PBX1: variants seen among roughly 807,000 people sequenced by gnomAD.
PBX1 encodes the protein PBX homeobox 1.
A neutral mutation model predicts 53.4 loss-of-function variants in PBX1; 6 were observed. The ratio of observed to expected loss-of-function variants is 0.11; its 90% CI spans 0.06 to 0.22. The LOEUF (loss-of-function observed/expected upper bound fraction) is 0.22, where lower values mean the gene tolerates loss of function less well. Among genes scored for constraint, PBX1 ranks in the 10% least tolerant of loss-of-function variants. The pLI, the probability that PBX1 is intolerant of heterozygous loss-of-function variation, is 1.00. For synonymous variants in PBX1, 204 were observed against 212.3 expected (o/e 0.96, Z 0.34); for missense variants, 251 against 551.4 (o/e 0.46, Z 5.46).
intron 2 of PBX1, among the ~76,000 whole-genome samples, chr1:164,573,108 C>A (rs1003076201): frequency 2.0e-5 from 3 of 152,006 alleles, no homozygotes; most frequent in African/African-American, 7.3e-5. Context: ...TTTCTAGTAG[C>A]CTCATTTTTA....
chr1:164,613,073 A>G (rs1196588266), intron 2 of PBX1, among the ~76,000 whole-genome samples: 3 of 151,246 alleles, frequency 2.0e-5, no homozygotes, highest in African/African-American at 7.4e-5. Flanking sequence ...AAACCCTTCT[A>G]GAAATATTTT....
intron 2 of PBX1, among the ~76,000 whole-genome samples, chr1:164,639,940 G>T (rs1469599808): frequency 6.6e-6 from 1 of 151,678 alleles, no homozygotes. Flanking sequence ...TGGGATTACA[G>T]ATATAAGGCA....
At position 164,729,454 on chromosome 1, in the gene PBX1, A is replaced by G. The variant is rs1664870279; in HGVS notation, c.266-63040A>G. Among the ~76,000 whole-genome samples the G allele has an allele frequency of 2.6e-5, 4 of 152,198 alleles. No homozygotes were observed. The South Asian group carries it at 8.3e-4, about 32-fold the overall frequency. On this transcript the variant is annotated intron_variant, in intron 2 of 8. Coordinates refer to ENST00000420696, the MANE Select transcript of PBX1 (RefSeq NM_002585.4). ...ATTAACACAAACTTTTAATATGGAT[A>G]TCAAGATTTCAAAGATGTTGTGTAA... is the stretch of plus-strand genomic sequence containing the variant.
chr1:164,718,566 T>G (rs1169922142), intron 2 of PBX1, among the ~76,000 whole-genome samples: 1 of 152,210 alleles, frequency 6.6e-6, no homozygotes, highest in Non-Finnish European at 1.5e-5. Context: ...CTGTGCTTCT[T>G]GTTATCACAT....
intron 8 of PBX1, among the ~76,000 whole-genome samples, chr1:164,834,029 A>ATGTGTGTGTGTGTGTG (rs35739146): frequency 0.031 from 4,020 of 128,166 alleles, 104 homozygotes; most frequent in Middle Eastern, 0.074. Context: ...ATATATGTAT[A>ATGTGTGTGTGTGTGTG]TGTGTGTGTG....
At chr1:164,753,798 T>C (rs1257014756) in intron 2 of PBX1, among the ~76,000 whole-genome samples, 1 of 152,200 alleles carries the variant, frequency 6.6e-6, no homozygotes, top group African/African-American at 2.4e-5. Flanking sequence ...GTCTCTTTTA[T>C]TTCCTTTTCA....
chr1:164,736,100 A>G (rs951028051), intron 2 of PBX1, among the ~76,000 whole-genome samples: 3 of 152,120 alleles, frequency 2.0e-5, no homozygotes, highest in African/African-American at 7.2e-5. Context: ...TTGACTAGAC[A>G]AAGCTATTGA....
chr1:164,778,494 G>C (rs1230117025), intron 2 of PBX1, among the ~76,000 whole-genome samples: 1 of 152,080 alleles, frequency 6.6e-6, no homozygotes, highest in South Asian at 2.1e-4. Flanking sequence ...AAAAGTAGCC[G>C]GGCGTGGTAG....
intron 2 of PBX1, chr1:164,703,092 T>C (rs931651517): frequency 6.6e-6 from 1 of 152,182 alleles, no homozygotes; most frequent in African/African-American, 2.4e-5. Flanking sequence ...GATCCCACCA[T>C]TGGTCAACAC....
intron 2 of PBX1, among the ~76,000 whole-genome samples, chr1:164,693,700 G>T (rs1488646118): frequency 1.3e-5 from 2 of 152,128 alleles, no homozygotes; most frequent in African/African-American, 2.4e-5. Flanking sequence ...ACACACTTTT[G>T]CTCTCCAGGT....
At position 164,860,424 on chromosome 1, in the gene PBX1, C is replaced by T. The variant is rs540810162; in HGVS notation, n.257+28941C>T. On this transcript the variant is annotated intron_variant and non_coding_transcript_variant, in intron 2 of 2. Coordinates refer to the PBX1 transcript ENST00000558796. ...TGAATTCTGAGGGGGCTTTATTAAT[C>T]TTTTCTCCTTTTTACTAGGTTCAAG... Among the ~76,000 whole-genome samples the T allele has an allele frequency of 4.6e-5, 7 of 152,172 alleles. No homozygotes were observed. The East Asian group carries it at 9.7e-4, about 21-fold the overall frequency.
intron 2 of PBX1, among the ~76,000 whole-genome samples, chr1:164,735,941 G>A (rs890317700): frequency 3.3e-5 from 5 of 152,250 alleles, no homozygotes; most frequent in East Asian, 1.9e-4. Flanking sequence ...ACAGGCTGCC[G>A]GCACAAAGAG....
chr1:164,677,248 G>A (rs962097506), intron 2 of PBX1, among the ~76,000 whole-genome samples: 2 of 151,212 alleles, frequency 1.3e-5, no homozygotes, highest in African/African-American at 2.4e-5. Context: ...GCCCGCCACC[G>A]CGCCCGGCTA....
chr1:164,632,070 A>C (rs1195273459), intron 2 of PBX1, among the ~76,000 whole-genome samples: 1 of 152,110 alleles, frequency 6.6e-6, no homozygotes, highest in Non-Finnish European at 1.5e-5. Context: ...ATTTTATCGG[A>C]GTCCTCTTGA....
At chr1:164,660,858 A>G (rs1660448163) in intron 2 of PBX1, among the ~76,000 whole-genome samples, 1 of 152,190 alleles carries the variant, frequency 6.6e-6, no homozygotes, top group Non-Finnish European at 1.5e-5. Flanking sequence ...CAGACTACTA[A>G]TTCTCTTTCT....
chr1:164,762,976 A>C (rs1229297504), intron 2 of PBX1, among the ~76,000 whole-genome samples: 2 of 152,386 alleles, frequency 1.3e-5, no homozygotes, highest in East Asian at 3.9e-4. Context: ...CCAGTGTACC[A>C]AGTACTTTTC....
chr1:164,791,672 A>T (rs1235043008), intron 2 of PBX1, among the ~76,000 whole-genome samples: 1 of 152,250 alleles, frequency 6.6e-6, no homozygotes, highest in Non-Finnish European at 1.5e-5. Context: ...GACTTATGGA[A>T]ATTTAAAAGG....
At chr1:164,592,954 ATT>A (rs111642139) in intron 2 of PBX1, among the ~76,000 whole-genome samples, 168 of 139,888 alleles carry the variant, frequency 1.2e-3, no homozygotes, top group African/African-American at 4.0e-3. Flanking sequence ...CAATCCTTAG[ATT>A]TTTTTTTTTT....
intron 2 of PBX1, among the ~76,000 whole-genome samples, chr1:164,885,962 G>A (rs1801064): frequency 0.18 from 26,650 of 151,860 alleles, 2,729 homozygotes; most frequent in Non-Finnish European, 0.22. Context: ...GCTCTATAAG[G>A]GCAGGATTTT....
Sources: gnomAD v4.1 joint callset for allele counts (sites outside exome capture counted in the v4.1 genomes callset) on GRCh38, gnomAD v4.1.1 for gene constraint, MANE v1.5 for transcripts, NCBI Gene and HGNC (gene_info 2026-07-23, HGNC 2026-07-21) for gene names.